Variants in MKLN1 observed in about 807,000 individuals in gnomAD.
The protein encoded by MKLN1 is muskelin 1.
MKLN1 carries 18 observed loss-of-function variants against 99.0 expected under a neutral mutation model. That is an observed-to-expected ratio of 0.18 (90% confidence interval 0.13 to 0.27). The LOEUF (loss-of-function observed/expected upper bound fraction) is 0.27, where lower values mean the gene tolerates loss of function less well. Ranked by LOEUF, MKLN1 falls within the 10% of genes least tolerant of loss-of-function variation. The pLI, the probability that MKLN1 is intolerant of heterozygous loss-of-function variation, is 1.00. For synonymous variants in MKLN1, 288 were observed against 293.2 expected, an observed-to-expected ratio of 0.98 and a Z score of 0.18; for missense variants, 621 against 875.9, an observed-to-expected ratio of 0.71 and a Z score of 3.67.
At chr7:131,333,955 GT>G (rs1799173957) in intron 1 of MKLN1, among the ~76,000 whole-genome samples, 1 of 152,118 alleles carries the variant, frequency 6.6e-6, no homozygotes, top group Admixed American at 6.5e-5. Flanking sequence ...ATTATCCTTG[GT>G]AATTTGGAAG....
intron 1 of MKLN1, among the ~76,000 whole-genome samples, chr7:131,341,946 G>C (rs1405583675): frequency 6.6e-6 from 1 of 152,156 alleles, no homozygotes; most frequent in Non-Finnish European, 1.5e-5. Context: ...CTGGTCTGTG[G>C]CCTGGGGGTT....
chr7:131,415,639 T>C (rs961887431), intron 8 of MKLN1, among the ~76,000 whole-genome samples: 2 of 152,154 alleles, frequency 1.3e-5, no homozygotes, highest in South Asian at 4.1e-4. Context: ...AGGAATTCAC[T>C]TTCTTAATTT....
At chr7:131,187,466 A>AC (rs942763270) in intron 2 of MKLN1, among the ~76,000 whole-genome samples, 1 of 152,124 alleles carries the variant, frequency 6.6e-6, no homozygotes, top group African/African-American at 2.4e-5. Context: ...AATCTGATCC[A>AC]CCGCCTGTTT....
chr7:131,233,733 A>T (rs542619415), intron 3 of MKLN1, among the ~76,000 whole-genome samples: 137 of 152,168 alleles, frequency 9.0e-4, no homozygotes, highest in African/African-American at 3.2e-3. Context: ...ACTTTTAAAA[A>T]TCTTTAAAAC....
At chr7:131,209,275 A>G (rs1304505851) in intron 3 of MKLN1, among the ~76,000 whole-genome samples, 1 of 152,230 alleles carries the variant, frequency 6.6e-6, no homozygotes, top group African/African-American at 2.4e-5. Context: ...GGAAGCTCTC[A>G]GAAAGTTTTA....
At chr7:131,221,327 A>G (rs1034611571) in intron 3 of MKLN1, among the ~76,000 whole-genome samples, 2 of 152,144 alleles carry the variant, frequency 1.3e-5, no homozygotes, top group South Asian at 2.1e-4. Flanking sequence ...GAAGCAGAGT[A>G]GAGCAGAGGT....
intron 6 of MKLN1, among the ~76,000 whole-genome samples, chr7:131,407,216 G>GT (rs1227023992): frequency 6.6e-6 from 1 of 150,436 alleles, no homozygotes; most frequent in African/African-American, 2.5e-5. Flanking sequence ...TTCCATTTTT[G>GT]TTTCCTTTGG....
chr7:131,463,072 T>C (rs1273497017), intron 12 of MKLN1, 145 bp from the exon 13 acceptor site: 3 of 633,912 alleles, frequency 4.7e-6, no homozygotes, highest in East Asian at 3.2e-5. Flanking sequence ...CAGTGAGTCA[T>C]GGTTGTGCCT....
At chr7:131,354,961 G>A (rs1584641265) in intron 1 of MKLN1, among the ~76,000 whole-genome samples, 2 of 151,542 alleles carry the variant, frequency 1.3e-5, no homozygotes, top group East Asian at 1.9e-4. Context: ...TAAATTTTTT[G>A]GTAGAGACAG....
At chr7:131,474,108 C>T (rs62468089) in intron 16 of MKLN1, among the ~76,000 whole-genome samples, 244 of 152,266 alleles carry the variant, frequency 1.6e-3, no homozygotes, top group Non-Finnish European at 2.7e-3. Context: ...TGAGATTGTG[C>T]CACAGCACTC....
chr7:131,472,797 A>G (rs757483165), intron 16 of MKLN1, among the ~76,000 whole-genome samples: 1 of 152,042 alleles, frequency 6.6e-6, no homozygotes, highest in Non-Finnish European at 1.5e-5. Flanking sequence ...AAAAATACAA[A>G]AAAATTAGCC....
intron 3 of MKLN1, among the ~76,000 whole-genome samples, chr7:131,241,434 C>T (rs992461559): frequency 1.3e-5 from 2 of 149,960 alleles, no homozygotes; most frequent in Non-Finnish European, 3.0e-5. Context: ...AGCCCAGGGG[C>T]GGTGGCTCAC....
chr7:131,452,465 G>T (rs563369327), intron 12 of MKLN1, among the ~76,000 whole-genome samples: 15 of 151,774 alleles, frequency 9.9e-5, no homozygotes, highest in Admixed American at 9.2e-4. Flanking sequence ...TTTTGGCCCT[G>T]GGAATGTGCT....
chr7:131,193,377 AT>A (rs1796595022), intron 2 of MKLN1, among the ~76,000 whole-genome samples: 1 of 151,936 alleles, frequency 6.6e-6, no homozygotes, highest in Non-Finnish European at 1.5e-5. Context: ...TATTATTATT[AT>A]TTTTTGAGAC....
At chr7:131,473,581 A>G (rs185441996) in intron 16 of MKLN1, among the ~76,000 whole-genome samples, 4 of 152,302 alleles carry the variant, frequency 2.6e-5, no homozygotes, top group Admixed American at 6.5e-5. Flanking sequence ...CAATTATACC[A>G]CTTTCAGAGA....
Position 131,466,414 on chromosome 7 carries a change from A to G in MKLN1, c.1927A>G (p.Arg643Gly). ...TTGCAAGTACCTCATAAGAAAACACAGGTATGAAAATAATTCACTGAAAAC... is the reference window on the plus strand; with the variant it reads ...TTGCAAGTACCTCATAAGAAAACACGGGTATGAAAATAATTCACTGAAAAC... ...RHCKYLIRKHRFEEKAQVDPL... is the reference protein window; with the variant it reads ...RHCKYLIRKHGFEEKAQVDPL... Residue 643 changes from arginine to glycine, a missense_variant and splice_region_variant, in exon 15 of 18, where the codon AGG becomes GGG. By Grantham distance (125) the Arg-to-Gly change is moderately radical. This residue lies in a region of MKLN1 where 126 missense variants were observed against 157.4 expected (regional missense o/e 0.80). Coordinates refer to ENST00000352689, the MANE Select transcript of MKLN1 (RefSeq NM_013255.5). 1 of 1,557,938 alleles carries G rather than the reference A, an allele frequency of 6.4e-7. No individual in the cohort carries two copies. The highest frequency in any genetic ancestry group is 8.7e-7 in the Non-Finnish European group (1 of 1,148,656).
chr7:131,317,765 C>CAAAAAAAAA (rs146525048), intron 3 of MKLN1, among the ~76,000 whole-genome samples: 1 of 49,980 alleles, frequency 2.0e-5, no homozygotes, highest in Non-Finnish European at 4.1e-5. Flanking sequence ...AAATGGAAAG[C>CAAAAAAAAA]AAAAAAAAAA....
intron 1 of MKLN1, among the ~76,000 whole-genome samples, chr7:131,333,181 C>G (rs1371928771): frequency 1.3e-5 from 2 of 152,124 alleles, no homozygotes; most frequent in Non-Finnish European, 2.9e-5. Context: ...GCTTTGGCCT[C>G]CCTAAGTGCT....
At chr7:131,199,511 A>G in intron 2 of MKLN1, among the ~76,000 whole-genome samples, 1 of 152,184 alleles carries the variant, frequency 6.6e-6, no homozygotes, top group East Asian at 1.9e-4. Context: ...CTTTATTTCA[A>G]TACTCACTGA....
Sources: allele counts gnomAD v4.1 joint callset (sites outside exome capture counted in the v4.1 genomes callset), GRCh38; gene constraint gnomAD v4.1.1; regional missense constraint gnomAD v4.1.1; transcripts MANE v1.5; gene names NCBI Gene and HGNC (gene_info 2026-07-23, HGNC 2026-07-21).